The following NFATC3 variants were observed in gnomAD, a reference collection of about 807,000 sequenced individuals.
NFATC3 encodes nuclear factor of activated T cells 3.
A neutral mutation model predicts 98.6 loss-of-function variants in NFATC3; 46 were observed. That is an observed-to-expected ratio of 0.47 (90% CI 0.37 to 0.60). The LOEUF (loss-of-function observed/expected upper bound fraction) is 0.60, where lower values mean the gene tolerates loss of function less well. Ranked by LOEUF, NFATC3 falls within the 20% of genes least tolerant of loss-of-function variation. The pLI is 0.00. For missense variants in NFATC3, 1,256 were observed against 1,295.5 expected, an observed-to-expected ratio of 0.97 and a Z score of 0.47; for synonymous variants, 512 against 472.2, an observed-to-expected ratio of 1.08 and a Z score of -1.09.
chr16:68,174,958 A>G (rs1263152364), intron 6 of NFATC3, among the ~76,000 whole-genome samples: 3 of 152,288 alleles, frequency 2.0e-5, no homozygotes, highest in Non-Finnish European at 4.4e-5. Flanking sequence ...GTGTCCGTAC[A>G]TGAACTTAGA....
At chr16:68,086,605 G>T in intron 1 of NFATC3, 1 of 981,344 alleles carries the variant, frequency 1.0e-6, no homozygotes. Context: ...GAATACTGTG[G>T]TTCATTAAGT....
chr16:68,159,812 T>G (rs2151579827), intron 4 of NFATC3, among the ~76,000 whole-genome samples: 1 of 151,500 alleles, frequency 6.6e-6, no homozygotes, highest in Non-Finnish European at 1.5e-5. Flanking sequence ...GCGCAGTGGC[T>G]CACACCTATT....
intron 1 of NFATC3, among the ~76,000 whole-genome samples, chr16:68,099,611 A>G (rs1171077256): frequency 7.1e-6 from 1 of 141,404 alleles, no homozygotes; most frequent in African/African-American, 3.0e-5. Context: ...AAAATAAAAT[A>G]ATAATAATAA....
intron 9 of NFATC3, among the ~76,000 whole-genome samples, chr16:68,219,750 T>C (rs1005814662): frequency 1.3e-5 from 2 of 152,162 alleles, no homozygotes; most frequent in Non-Finnish European, 2.9e-5. Flanking sequence ...CGAAATCCTT[T>C]ACAAAATTGC....
At chr16:68,121,250 T>C (rs2036564076) in intron 1 of NFATC3, among the ~76,000 whole-genome samples, 1 of 147,384 alleles carries the variant, frequency 6.8e-6, no homozygotes, top group Admixed American at 6.7e-5. Flanking sequence ...TTCTTTTTTT[T>C]TTTTTTTTTT....
chr16:68,163,847 G>C (rs1267841861), intron 4 of NFATC3, among the ~76,000 whole-genome samples: 2 of 151,454 alleles, frequency 1.3e-5, no homozygotes, highest in African/African-American at 4.9e-5. Flanking sequence ...ATGGGATGGC[G>C]GCCGGGAAGA....
In NFATC3 at chr16:68,199,520, G is replaced by C. The variant is rs574498528; in HGVS notation, c.3106+7745G>C. 4.3e-4 allele frequency among the ~76,000 whole-genome samples: 64 copies of C among 148,874 alleles called. 1 individual carries two copies. The highest frequency in any genetic ancestry group is 1.6e-3 in the African/African-American group (63 of 40,504). Reference sequence around the variant, plus strand: ...ATTACAGGCGTGAGCCACCGCGCCCGGCCCCAAGACCCTGTTTAAAAAAAA... The same window carrying C: ...ATTACAGGCGTGAGCCACCGCGCCCCGCCCCAAGACCCTGTTTAAAAAAAA... On this transcript the variant is annotated intron_variant, in intron 9 of 9. Coordinates refer to ENST00000346183, the MANE Select transcript of NFATC3 (RefSeq NM_173165.3).
At chr16:68,224,029 G>A (rs1221762084) in intron 9 of NFATC3, among the ~76,000 whole-genome samples, 5 of 150,396 alleles carry the variant, frequency 3.3e-5, no homozygotes, top group Non-Finnish European at 5.9e-5. Flanking sequence ...GGTGGATCAT[G>A]AGGACAGGAG....
chr16:68,086,325 C>A (rs1379871245), intron 1 of NFATC3, among the ~76,000 whole-genome samples: 1 of 152,092 alleles, frequency 6.6e-6, no homozygotes, highest in Non-Finnish European at 1.5e-5. Context: ...CGAAGTGTAA[C>A]TGTAACGGGA....
intron 9 of NFATC3, among the ~76,000 whole-genome samples, chr16:68,210,091 A>G (rs2041316565): frequency 6.6e-6 from 1 of 152,098 alleles, no homozygotes; most frequent in Admixed American, 6.6e-5. Context: ...AGGTCGGGAC[A>G]TTGAGACCAT....
rs534015823 is a variant in NFATC3, at chr16:68,166,569, G to A, written c.1602-274G>A. ...AGGAGAGCAGGCATAGATACTCTACGTCTTAATGGCAGGAGGAAAGGCATG... is the reference window on the plus strand; with the variant it reads ...AGGAGAGCAGGCATAGATACTCTACATCTTAATGGCAGGAGGAAAGGCATG... On this transcript the variant is annotated intron_variant, in intron 4 of 9. Coordinates refer to ENST00000346183, the MANE Select transcript of NFATC3 (RefSeq NM_173165.3). 1.1e-4 allele frequency among the ~76,000 whole-genome samples: 17 copies of A among 152,276 alleles called. No individual in the cohort carries two copies. In the South Asian group the frequency reaches 2.5e-3, roughly 22 times the overall value.
intron 3 of NFATC3, among the ~76,000 whole-genome samples, chr16:68,136,557 C>A (rs13330299): frequency 0.03 from 4,569 of 152,242 alleles, 204 homozygotes; most frequent in African/African-American, 0.1. Context: ...GTGTGAGCCA[C>A]CACGCCTGGC....
At chr16:68,224,891 G>A (rs576852437) in intron 9 of NFATC3, 1 of 152,216 alleles carries the variant, frequency 6.6e-6, no homozygotes, top group Admixed American at 6.5e-5. Context: ...ATACAACTCA[G>A]TGGTTTTTAG....
chr16:68,146,250 T>C (rs2038034152), intron 3 of NFATC3, among the ~76,000 whole-genome samples: 1 of 152,088 alleles, frequency 6.6e-6, no homozygotes, highest in Non-Finnish European at 1.5e-5. Context: ...TGCAACTTCC[T>C]ATGAGTCTAA....
chr16:68,086,058 G>C, intron 1 of NFATC3: 1 of 381,582 alleles, frequency 2.6e-6, no homozygotes, highest in Non-Finnish European at 4.7e-6. Context: ...GGTCCGGGCT[G>C]CTGCCCAAGT....
Position 68,092,299 on chromosome 16 carries a change from T to C in NFATC3, c.103+6515T>C, listed in dbSNP as rs151017198. Among the ~76,000 whole-genome samples the C allele has an allele frequency of 6.4e-3, 967 of 150,570 alleles. 12 individuals are homozygous for C. Among genetic ancestry groups the C allele is most frequent in the African/African-American group, 0.022 (912 of 40,892 alleles). ...GATGAAACCCTGTCTTTACTAAAAA[T>C]ACAAAAAATTAGCTGGATGTGGTGG... On this transcript the variant is annotated intron_variant, in intron 1 of 9. Coordinates refer to ENST00000346183, the MANE Select transcript of NFATC3 (RefSeq NM_173165.3).
At position 68,157,991 on chromosome 16, in the gene NFATC3, T is replaced by TG; in HGVS notation, c.1525dup (p.Ala509GlyfsTer20). The TG allele has an allele frequency of 2.5e-6, 4 of 1,614,066 alleles. No homozygotes were observed. Among genetic ancestry groups the TG allele is most frequent in the Non-Finnish European group, 3.4e-6 (4 of 1,179,972 alleles). On this transcript the variant is annotated frameshift_variant, in exon 4 of 10. Coordinates refer to ENST00000346183, the MANE Select transcript of NFATC3 (RefSeq NM_173165.3). LOFTEE classifies it high-confidence loss of function. ...GAATCACTGGGAAGACAGTCGCTAC[T>TG]GCAAGCCAAGAGATAATAATTGCCA...
intron 3 of NFATC3, among the ~76,000 whole-genome samples, chr16:68,143,227 AAAAG>A (rs1333696132): frequency 5.3e-5 from 8 of 151,652 alleles, no homozygotes; most frequent in African/African-American, 1.9e-4. Flanking sequence ...AAAAAAAAAA[AAAAG>A]GAAAGAAAGA....
At chr16:68,151,497 T>C (rs2038316729) in intron 3 of NFATC3, among the ~76,000 whole-genome samples, 1 of 152,184 alleles carries the variant, frequency 6.6e-6, no homozygotes, top group African/African-American at 2.4e-5. Context: ...GGGGTATTAA[T>C]ATATACTAAG....
Sources: allele counts gnomAD v4.1 joint callset (sites outside exome capture counted in the v4.1 genomes callset), GRCh38; gene constraint gnomAD v4.1.1; transcripts MANE v1.5; gene names NCBI Gene and HGNC (gene_info 2026-07-23, HGNC 2026-07-21).